Variants in PDE3A observed in about 807,000 individuals in gnomAD.
The protein encoded by PDE3A is phosphodiesterase 3A, also known as cGMP-inhibited 3',5'-cyclic phosphodiesterase 3A.
In PDE3A, 43 loss-of-function variants were observed where a neutral mutation model predicts 98.3. The observed-to-expected ratio is 0.44, with a 90% CI of 0.34 to 0.56. PDE3A has a LOEUF of 0.56. Among genes scored for constraint, PDE3A ranks in the 20% least tolerant of loss-of-function variants. PDE3A has a pLI of 0.01. For synonymous variants in PDE3A, 663 were observed against 567.9 expected, an observed-to-expected ratio of 1.17 and a Z score of -2.38; for missense variants, 1,427 against 1,440.7, an observed-to-expected ratio of 0.99 and a Z score of 0.15.
chr12:20,581,616 CT>C (rs1158345396), intron 2 of PDE3A, among the ~76,000 whole-genome samples: 73 of 4,184 alleles, frequency 0.017, 1 homozygote, highest in Non-Finnish European at 6.9e-3. Flanking sequence ...CTTTTCTTTT[CT>C]TTTTTTTTTT....
rs139191792 is a variant in PDE3A at position 20,471,965 on chromosome 12, T to C, written c.961-84695T>C. ...CGCGATTGGTCAGAAAGAACATTGA[T>C]TGTAAGCCACCCTATGGTCATCCTG... On this transcript the variant is annotated intron_variant, in intron 1 of 15. Transcript: ENST00000359062. 2.0e-3 allele frequency among the ~76,000 whole-genome samples: 304 copies of C among 152,282 alleles called. 3 individuals are homozygous for C. The highest frequency in any genetic ancestry group is 7.0e-3 in the African/African-American group (290 of 41,576).
chr12:20,660,922 C>A (rs1162921323), intron 15 of PDE3A, among the ~76,000 whole-genome samples: 2 of 152,028 alleles, frequency 1.3e-5, no homozygotes, highest in Non-Finnish European at 2.9e-5. Flanking sequence ...GTGGAAACGA[C>A]TTTGGAACTG....
intron 1 of PDE3A, among the ~76,000 whole-genome samples, chr12:20,480,236 A>G (rs558795346): frequency 1.7e-3 from 263 of 152,328 alleles, no homozygotes; most frequent in African/African-American, 5.9e-3. Context: ...GTTAGTGTCA[A>G]TGCTACAAAA....
chr12:20,449,073 G>C (rs369600131), intron 1 of PDE3A, among the ~76,000 whole-genome samples: 1 of 152,090 alleles, frequency 6.6e-6, no homozygotes, highest in Admixed American at 6.6e-5. Context: ...AAGCAATGCC[G>C]TAGCTAAAAA....
intron 1 of PDE3A, among the ~76,000 whole-genome samples, chr12:20,539,164 A>G (rs1292099352): frequency 6.6e-6 from 1 of 152,112 alleles, no homozygotes; most frequent in East Asian, 1.9e-4. Context: ...GGAGTTTGGA[A>G]TTTTTCAGAT....
intron 1 of PDE3A, among the ~76,000 whole-genome samples, chr12:20,434,904 A>G (rs1944755823): frequency 6.6e-6 from 1 of 152,222 alleles, no homozygotes; most frequent in African/African-American, 2.4e-5. Context: ...CAAGGATTAA[A>G]AACTTTAAAG....
In PDE3A at chr12:20,398,479, G is replaced by C. The variant is rs141694579; in HGVS notation, c.960+28235G>C. On this transcript the variant is annotated intron_variant, in intron 1 of 15. Coordinates refer to ENST00000359062, the MANE Select transcript of PDE3A (RefSeq NM_000921.5). ...TTGAAAATCTGTCTTGAGTTTCTGA[G>C]TTATAAACAGCCTCATATTTTCATA... 3.3e-3 allele frequency among the ~76,000 whole-genome samples: 507 copies of C among 151,824 alleles called. 4 individuals are homozygous for C. The East Asian group carries it at 0.036, about 11-fold the overall frequency.
chr12:20,369,685 C>T lies in PDE3A; in HGVS notation c.401C>T (p.Ala134Val), dbSNP rs1479017918. 6 of 1,610,594 alleles carry T rather than the reference C, an allele frequency of 3.7e-6. No individual in the cohort carries two copies. The highest frequency in any genetic ancestry group is 4.2e-6 in the Non-Finnish European group (5 of 1,179,200). The change falls in exon 1 of 16, where the codon GCG (alanine) becomes GTG (valine). Residue 134 changes from alanine to valine, a missense_variant. Transcript: ENST00000359062. ...CTCAGCCCCTGGCTGCAGCCCTCGG[C>T]GCTGCTCTTCAGTCTCCTGTGTGCC... Reference protein sequence around the residue: ...ARLSPWLQPSALLFSLLCAFF... With the variant: ...ARLSPWLQPSVLLFSLLCAFF...
chr12:20,507,501 A>ATAACTGATAAC (rs1211869792), intron 1 of PDE3A, among the ~76,000 whole-genome samples: 1 of 152,082 alleles, frequency 6.6e-6, no homozygotes, highest in East Asian at 1.9e-4. Flanking sequence ...CTAAGTTCAT[A>ATAACTGATAAC]TCGACAGCTT....
intron 5 of PDE3A, among the ~76,000 whole-genome samples, chr12:20,625,985 T>C (rs1944252657): frequency 6.6e-6 from 1 of 152,160 alleles, no homozygotes; most frequent in Admixed American, 6.5e-5. Flanking sequence ...ATTAATATAC[T>C]TGAGAGAATG....
rs76939717 is a variant in PDE3A, at chr12:20,608,977, A to G, written c.1012-4466A>G. ...GTTAGTTTATTAGAACAACATGGCT[A>G]AAAATAAACATTACTATTTCAGAGG... On this transcript the variant is annotated intron_variant, in intron 2 of 15. Coordinates refer to ENST00000359062, the MANE Select transcript of PDE3A (RefSeq NM_000921.5). Among the ~76,000 whole-genome samples the G allele has an allele frequency of 2.9e-3, 439 of 152,196 alleles. 1 individual carries two copies. The highest frequency in any genetic ancestry group is 7.6e-3 in the Admixed American group (116 of 15,294).
chr12:20,593,034 C>G, intron 2 of PDE3A, among the ~76,000 whole-genome samples: 1 of 152,212 alleles, frequency 6.6e-6, no homozygotes, highest in East Asian at 1.9e-4. Flanking sequence ...GGAATTTAGT[C>G]ATAATTAGCA....
chr12:20,674,052 A>G (rs1314890033), intron 15 of PDE3A, among the ~76,000 whole-genome samples: 1 of 151,960 alleles, frequency 6.6e-6, no homozygotes, highest in Non-Finnish European at 1.5e-5. Context: ...TCTTGGTTAA[A>G]TTTATTTCTA....
intron 1 of PDE3A, among the ~76,000 whole-genome samples, chr12:20,483,739 C>G (rs1259987694): frequency 2.6e-5 from 4 of 152,004 alleles, no homozygotes; most frequent in African/African-American, 9.7e-5. Flanking sequence ...CTTTTTTGAA[C>G]TCAAAGAAAA....
intron 15 of PDE3A, among the ~76,000 whole-genome samples, chr12:20,654,743 A>T (rs1945004263): frequency 7.3e-6 from 1 of 137,734 alleles, no homozygotes; most frequent in Non-Finnish European, 1.5e-5. Flanking sequence ...CGATCTCCTG[A>T]CCTTGTGATC....
intron 1 of PDE3A, among the ~76,000 whole-genome samples, chr12:20,470,375 T>A (rs1195123490): frequency 2.0e-5 from 3 of 151,690 alleles, no homozygotes; most frequent in African/African-American, 7.3e-5. Context: ...AAGAGGGAAG[T>A]GAGAATTCAT....
chr12:20,590,225 C>G (rs1019260141), intron 2 of PDE3A, among the ~76,000 whole-genome samples: 1 of 151,896 alleles, frequency 6.6e-6, no homozygotes, highest in African/African-American at 2.4e-5. Context: ...TCATTTCATT[C>G]TGATTTCTCT....
intron 14 of PDE3A, among the ~76,000 whole-genome samples, chr12:20,651,044 G>A (rs1416642728): frequency 3.9e-5 from 6 of 152,082 alleles, no homozygotes; most frequent in Non-Finnish European, 7.4e-5. Context: ...AATGTACATG[G>A]AATAGTTTAT....
chr12:20,427,294 G>A (rs1944616557), intron 1 of PDE3A, among the ~76,000 whole-genome samples: 1 of 152,092 alleles, frequency 6.6e-6, no homozygotes, highest in Non-Finnish European at 1.5e-5. Context: ...GCGTGCTTTT[G>A]AATTTTATCA....
Sources: gnomAD v4.1 joint callset for allele counts (sites outside exome capture counted in the v4.1 genomes callset) on GRCh38, gnomAD v4.1.1 for gene constraint, MANE v1.5 for transcripts, NCBI Gene and HGNC (gene_info 2026-07-23, HGNC 2026-07-21) for gene names.